Variants in ADCY8 observed in about 807,000 individuals in gnomAD.
The protein encoded by ADCY8 is adenylate cyclase type 8.
In ADCY8, 51 loss-of-function variants were observed where a neutral mutation model predicts 119.7. The ratio of observed to expected loss-of-function variants is 0.43; its 90% CI spans 0.34 to 0.54. The LOEUF (loss-of-function observed/expected upper bound fraction) is 0.54. ADCY8 is among the 20% of genes least tolerant of loss of function. ADCY8 has a pLI of 0.03. For synonymous variants in ADCY8, 665 were observed against 651.0 expected (o/e 1.02, Z -0.33); for missense variants, 1,383 against 1,598.8 (o/e 0.87, Z 2.30).
At chr8:131,019,050 C>T (rs1823568681) in intron 1 of ADCY8, among the ~76,000 whole-genome samples, 1 of 152,000 alleles carries the variant, frequency 6.6e-6, no homozygotes, top group African/African-American at 2.4e-5. Flanking sequence ...ACAGAAATGC[C>T]AGGGACTCTT....
chr8:130,814,875 C>T (rs3829031), intron 13 of ADCY8, among the ~76,000 whole-genome samples: 36,530 of 152,102 alleles, frequency 0.24, 4,472 homozygotes, highest in East Asian at 0.26. Context: ...ACAGCCAAAC[C>T]ATATCATATC....
chr8:130,790,790 T>C (rs370018907), intron 15 of ADCY8, among the ~76,000 whole-genome samples: 1 of 152,178 alleles, frequency 6.6e-6, no homozygotes, highest in East Asian at 1.9e-4. Context: ...CATTATACCT[T>C]TGGGCTGAGA....
chr8:130,986,949 G>A (rs1563756577), intron 2 of ADCY8, among the ~76,000 whole-genome samples: 1 of 152,126 alleles, frequency 6.6e-6, no homozygotes, highest in Non-Finnish European at 1.5e-5. Context: ...TAGGTCATAC[G>A]TATCTTGTCA....
At chr8:131,017,925 A>G (rs944089649) in intron 1 of ADCY8, among the ~76,000 whole-genome samples, 12 of 152,206 alleles carry the variant, frequency 7.9e-5, no homozygotes, top group African/African-American at 2.9e-4. Flanking sequence ...CTTATCTGAT[A>G]AGCACCAACA....
In ADCY8 at chr8:130,849,507, C is replaced by T. The variant is rs150740633; in HGVS notation, c.2412+95G>A. 6,594 of 1,312,876 alleles carry T rather than the reference C, an allele frequency of 5.0e-3. 30 individuals carry two copies. The highest frequency in any genetic ancestry group is 0.012 in the Middle Eastern group (67 of 5,408). The allele number at this position is 1,312,876 out of a possible 1,614,324, so 81.3% of individuals were successfully genotyped here. A position where few individuals can be genotyped will look rare whatever the true frequency, so the allele number is the denominator to read the frequency against. On this transcript the variant is annotated intron_variant, in intron 10 of 17. Transcript: ENST00000286355. ...ACCAGGCACATAAAGGTAACTGGTACCAAGGAAGGGTAATGCAGGAAGCTG... is the reference window on the plus strand; with the variant it reads ...ACCAGGCACATAAAGGTAACTGGTATCAAGGAAGGGTAATGCAGGAAGCTG...
chr8:130,964,319 C>A (rs1821697125), intron 2 of ADCY8, among the ~76,000 whole-genome samples: 1 of 152,200 alleles, frequency 6.6e-6, no homozygotes, highest in East Asian at 1.9e-4. Context: ...AGATGGTAAA[C>A]AGATTTATAA....
intron 9 of ADCY8, among the ~76,000 whole-genome samples, chr8:130,867,071 A>G (rs754196666): frequency 6.6e-6 from 1 of 152,198 alleles, no homozygotes; most frequent in Non-Finnish European, 1.5e-5. Flanking sequence ...GGGAAAACTC[A>G]TAGTAAGTAT....
chr8:130,943,482 TG>T lies in ADCY8; in HGVS notation c.1242-21del. The stretch of plus-strand genomic sequence containing the variant: ...AGAATACTAAACACAGGGAAGAGGG[TG>T]GGGGTGGGGGGAGGAAGTATATTAA... On this transcript the variant is annotated intron_variant, in intron 3 of 17. Transcript: ENST00000286355. 9 of 165,976 alleles carry T rather than the reference TG, an allele frequency of 5.4e-5. No homozygotes were observed. Among genetic ancestry groups the T allele is most frequent in the Non-Finnish European group, 7.6e-5 (6 of 79,306 alleles). The allele number at this position is 165,976 out of a possible 1,614,324, so 10.3% of individuals were successfully genotyped here.
intron 12 of ADCY8, among the ~76,000 whole-genome samples, chr8:130,830,465 T>G (rs925447726): frequency 6.6e-6 from 1 of 152,180 alleles, no homozygotes; most frequent in African/African-American, 2.4e-5. Context: ...TCAAACCTGA[T>G]TATAAAATCT....
chr8:130,841,368 G>A (rs1282778283), intron 11 of ADCY8, among the ~76,000 whole-genome samples: 1 of 152,130 alleles, frequency 6.6e-6, no homozygotes. Flanking sequence ...TAGATATTCT[G>A]GCTTGGGAGA....
At chr8:130,785,288 C>T (rs1439225690) in intron 16 of ADCY8, 95 bp downstream of exon 16, 7 of 798,876 alleles carry the variant, frequency 8.8e-6, no homozygotes, top group African/African-American at 1.8e-5. Context: ...CATCTTTCCC[C>T]AAGGATCTTG....
intron 1 of ADCY8, among the ~76,000 whole-genome samples, chr8:130,998,581 A>G (rs1044559561): frequency 6.6e-5 from 10 of 152,138 alleles, no homozygotes; most frequent in African/African-American, 2.4e-4. Flanking sequence ...AGCACTTGGA[A>G]ACATGACCTA....
At chr8:131,016,373 A>T (rs1377176276) in intron 1 of ADCY8, among the ~76,000 whole-genome samples, 1 of 152,192 alleles carries the variant, frequency 6.6e-6, no homozygotes, top group Non-Finnish European at 1.5e-5. Flanking sequence ...GCATGGTAGC[A>T]CACGACCATA....
intron 2 of ADCY8, among the ~76,000 whole-genome samples, chr8:130,964,849 T>C (rs1340447373): frequency 2.0e-5 from 3 of 152,228 alleles, no homozygotes; most frequent in Non-Finnish European, 4.4e-5. Context: ...TGTTTTCACT[T>C]TTTAATAATA....
At chr8:131,007,149 A>G (rs1823145317) in intron 1 of ADCY8, among the ~76,000 whole-genome samples, 1 of 152,236 alleles carries the variant, frequency 6.6e-6, no homozygotes, top group African/African-American at 2.4e-5. Flanking sequence ...AAACTCTTTT[A>G]GTTAAAAAAA....
At chr8:131,021,441 T>C (rs926115831) in intron 1 of ADCY8, among the ~76,000 whole-genome samples, 2 of 152,310 alleles carry the variant, frequency 1.3e-5, no homozygotes, top group Non-Finnish European at 2.9e-5. Flanking sequence ...CAGACACCTT[T>C]TAAACGCTTC....
chr8:130,862,771 T>C (rs1817983575), intron 9 of ADCY8, among the ~76,000 whole-genome samples: 1 of 152,222 alleles, frequency 6.6e-6, no homozygotes, highest in Non-Finnish European at 1.5e-5. Context: ...AAGAGTGTGT[T>C]ATTTAATCTC....
At chr8:130,921,463 T>TC (rs201146231) in intron 5 of ADCY8, among the ~76,000 whole-genome samples, 3,249 of 150,346 alleles carry the variant, frequency 0.022, 96 homozygotes, top group African/African-American at 0.075. Flanking sequence ...TTTTTTTTTT[T>TC]TTTTGAGACA....
intron 12 of ADCY8, 90 bp from the exon 13 acceptor site, chr8:130,821,510 A>G (rs1816507806): frequency 8.8e-6 from 8 of 906,226 alleles, no homozygotes; most frequent in Non-Finnish European, 1.4e-5. Flanking sequence ...TGGTATAAAA[A>G]GAAAAAAACA....
Sources: allele counts gnomAD v4.1 joint callset (sites outside exome capture counted in the v4.1 genomes callset), GRCh38; gene constraint gnomAD v4.1.1; transcripts MANE v1.5; gene names NCBI Gene and HGNC (gene_info 2026-07-23, HGNC 2026-07-21).